TMEM229B: variants seen among roughly 807,000 people sequenced by gnomAD.
The protein encoded by TMEM229B is chromosome 14 open reading frame 83.
In TMEM229B, 6 loss-of-function variants were observed where a neutral mutation model predicts 13.7. That is an observed-to-expected ratio of 0.44 (90% CI 0.24 to 0.86). The LOEUF is 0.86. Ranked by LOEUF, TMEM229B falls within the 40% of genes least tolerant of loss-of-function variation. The pLI is 0.23. For synonymous variants in TMEM229B, 107 were observed against 102.1 expected, an observed-to-expected ratio of 1.05 and a Z score of -0.29; for missense variants, 170 against 236.0, an observed-to-expected ratio of 0.72 and a Z score of 1.83.
At chr14:67,524,377 T>C (rs2033336048) in intron 1 of TMEM229B, among the ~76,000 whole-genome samples, 1 of 152,146 alleles carries the variant, frequency 6.6e-6, no homozygotes, top group African/African-American at 2.4e-5. Flanking sequence ...CCCAGAACTC[T>C]AAGAATGCCA....
intron 1 of TMEM229B, among the ~76,000 whole-genome samples, chr14:67,523,951 A>AGCATTTCCAGTGACACAAAG (rs2033329401): frequency 6.6e-6 from 1 of 152,158 alleles, no homozygotes; most frequent in Non-Finnish European, 1.5e-5. Flanking sequence ...TGACACAAAG[A>AGCATTTCCAGTGACACAAAG]GGGTTTCCAG....
chr14:67,506,705 G>C (rs2032839195), intron 1 of TMEM229B, among the ~76,000 whole-genome samples: 1 of 152,178 alleles, frequency 6.6e-6, no homozygotes, highest in South Asian at 2.1e-4. Context: ...CTTTGTTTGG[G>C]CCAGGAGTGG....
chr14:67,478,630 G>A (rs371853873), intron 2 of TMEM229B, among the ~76,000 whole-genome samples: 1 of 152,202 alleles, frequency 6.6e-6, no homozygotes, highest in East Asian at 1.9e-4. Flanking sequence ...GGGACGGCTG[G>A]CAAAGCCCTT....
chr14:67,529,364 G>C (rs1214625783), intron 1 of TMEM229B, among the ~76,000 whole-genome samples: 3 of 152,144 alleles, frequency 2.0e-5, no homozygotes, highest in Non-Finnish European at 2.9e-5. Context: ...GGCATGTCTA[G>C]TTCTAAAGCC....
At chr14:67,520,754 T>C (rs1272169117) in intron 1 of TMEM229B, among the ~76,000 whole-genome samples, 1 of 152,218 alleles carries the variant, frequency 6.6e-6, no homozygotes, top group Non-Finnish European at 1.5e-5. Context: ...GTTATGGCAA[T>C]TAAGAATAAA....
intron 1 of TMEM229B, among the ~76,000 whole-genome samples, chr14:67,501,248 G>A (rs1361155661): frequency 6.6e-5 from 10 of 152,160 alleles, no homozygotes; most frequent in South Asian, 6.2e-4. Flanking sequence ...TAGGAGAAAC[G>A]GAGGGATTGT....
chr14:67,476,916 A>G (rs2031239876), intron 2 of TMEM229B, among the ~76,000 whole-genome samples: 1 of 152,196 alleles, frequency 6.6e-6, no homozygotes, highest in South Asian at 2.1e-4. Context: ...ACCTGAGGTC[A>G]GGAGTTCAAG....
rs2030735087 is a variant in TMEM229B at position 67,471,672 on chromosome 14, C to A, written c.*1748G>T. 1 of 152,286 alleles carries A rather than the reference C, an allele frequency of 6.6e-6. No individual in the cohort carries two copies. The highest frequency in any genetic ancestry group is 2.4e-5 in the African/African-American group (1 of 41,454). 9.4% of individuals were successfully genotyped at this position (152,286 alleles called of 1,614,324 possible). A position where few individuals can be genotyped will look rare whatever the true frequency, so the allele number is the denominator to read the frequency against. ...ACCCTTCGTTCTGCTCTGGACGGGGCTAACTGCAGAAAATCCTGCCAAAGG... is the reference window on the plus strand; with the variant it reads ...ACCCTTCGTTCTGCTCTGGACGGGGATAACTGCAGAAAATCCTGCCAAAGG... On this transcript the variant is annotated 3_prime_UTR_variant, in exon 3 of 3. Transcript: ENST00000554480.
chr14:67,524,105 G>C (rs2033331657), intron 1 of TMEM229B, among the ~76,000 whole-genome samples: 1 of 152,134 alleles, frequency 6.6e-6, no homozygotes, highest in Non-Finnish European at 1.5e-5. Context: ...TTTAATGGGA[G>C]ATTAATACTC....
At chr14:67,486,107 C>T (rs961688595) in intron 2 of TMEM229B, among the ~76,000 whole-genome samples, 18 of 152,182 alleles carry the variant, frequency 1.2e-4, no homozygotes, top group African/African-American at 1.7e-4. Flanking sequence ...GCTTCACTCA[C>T]GCCAGACAAT....
At chr14:67,498,634 G>A (rs1186708479) in intron 1 of TMEM229B, among the ~76,000 whole-genome samples, 3 of 152,192 alleles carry the variant, frequency 2.0e-5, no homozygotes, top group African/African-American at 7.2e-5. Flanking sequence ...CAAGTGATCA[G>A]TCTCCCAGAA....
At chr14:67,531,942 GAATT>G (rs2033471721) in intron 1 of TMEM229B, among the ~76,000 whole-genome samples, 1 of 146,952 alleles carries the variant, frequency 6.8e-6, no homozygotes, top group African/African-American at 2.5e-5. Flanking sequence ...GTGAATGAAT[GAATT>G]AATGTCTTCT....
chr14:67,508,762 A>AAAAAAAAAAAAAAAAAAC lies in TMEM229B; in HGVS notation c.-192+6323_-192+6324insGTTTTTTTTTTTTTTTTT, dbSNP rs1345627312. 3.3e-5 allele frequency among the ~76,000 whole-genome samples: 5 copies of AAAAAAAAAAAAAAAAAAC among 150,462 alleles called. 1 individual carries two copies. The highest frequency in any genetic ancestry group is 3.9e-4 in the East Asian group (2 of 5,150). On this transcript the variant is annotated intron_variant, in intron 1 of 2. Coordinates refer to the TMEM229B transcript ENST00000357461. ...GAGCAAAACCTTGTCTCAAAAAAAA[A>AAAAAAAAAAAAAAAAAAC]AAAAAAAAACAGAAGACAATTAACT... is the stretch of plus-strand genomic sequence containing the variant.
upstream of TMEM229B, among the ~76,000 whole-genome samples, chr14:67,493,240 C>G (rs2032237274): frequency 6.6e-6 from 1 of 152,164 alleles, no homozygotes; most frequent in African/African-American, 2.4e-5. Flanking sequence ...GTAATCTTAC[C>G]CATCCATCTA....
intron 1 of TMEM229B, among the ~76,000 whole-genome samples, chr14:67,502,903 G>A (rs2032669348): frequency 6.6e-6 from 1 of 152,146 alleles, no homozygotes; most frequent in South Asian, 2.1e-4. Context: ...ACAAAACAAA[G>A]TTCCAGCCTT....
intron 1 of TMEM229B, among the ~76,000 whole-genome samples, chr14:67,509,673 A>G (rs1384213866): frequency 6.6e-6 from 1 of 152,024 alleles, no homozygotes; most frequent in African/African-American, 2.4e-5. Flanking sequence ...CCTCTCCCCA[A>G]CATTTGGTCT....
chr14:67,481,512 T>G (rs1294966787), intron 2 of TMEM229B, among the ~76,000 whole-genome samples: 3 of 152,032 alleles, frequency 2.0e-5, no homozygotes, highest in African/African-American at 7.3e-5. Flanking sequence ...GGGCAGAAGA[T>G]GGGGTTGAAG....
chr14:67,522,104 C>T (rs750241824), intron 1 of TMEM229B, among the ~76,000 whole-genome samples: 8 of 152,092 alleles, frequency 5.3e-5, no homozygotes, highest in Non-Finnish European at 8.8e-5. Context: ...ACCCGGGAGG[C>T]GGAGGTTGCA....
At chr14:67,524,666 C>T (rs969747587) in intron 1 of TMEM229B, among the ~76,000 whole-genome samples, 1 of 152,216 alleles carries the variant, frequency 6.6e-6, no homozygotes, top group African/African-American at 2.4e-5. Flanking sequence ...CCCAACTTAA[C>T]TCTGTCCCCA....
Sources: allele counts gnomAD v4.1 joint callset (sites outside exome capture counted in the v4.1 genomes callset), GRCh38; gene constraint gnomAD v4.1.1; transcripts MANE v1.5; gene names NCBI Gene and HGNC (gene_info 2026-07-23, HGNC 2026-07-21).